The following DYNC2I2 variants were observed in gnomAD, a reference collection of about 807,000 sequenced individuals.
DYNC2I2 encodes the protein cytoplasmic dynein 2 intermediate chain 2.
DYNC2I2 carries 39 observed loss-of-function variants against 52.0 expected under a neutral mutation model. The observed-to-expected ratio is 0.75, with a 90% CI of 0.58 to 0.98. The LOEUF (loss-of-function observed/expected upper bound fraction) is 0.98. Ranked by LOEUF, DYNC2I2 falls within the 50% of genes least tolerant of loss-of-function variation. The pLI is 0.00. For synonymous variants in DYNC2I2, 359 were observed against 321.1 expected, an observed-to-expected ratio of 1.12 and a Z score of -1.26; for missense variants, 743 against 728.4, an observed-to-expected ratio of 1.02 and a Z score of -0.23.
intron 1 of DYNC2I2, among the ~76,000 whole-genome samples, chr9:128,655,474 G>A (rs1466325293): frequency 6.9e-6 from 1 of 145,916 alleles, no homozygotes; most frequent in Admixed American, 7.0e-5. Context: ...TCGCGCCATT[G>A]CACTCCAGCC....
chr9:128,655,397 G>A (rs572876833), intron 1 of DYNC2I2, among the ~76,000 whole-genome samples: 24 of 140,048 alleles, frequency 1.7e-4, no homozygotes, highest in African/African-American at 6.3e-4. Flanking sequence ...TGTAGTCCCA[G>A]CTACTAGGGA....
chr9:128,635,703 C>T lies in DYNC2I2; in HGVS notation c.768G>A (p.Trp256Ter), dbSNP rs1385476367. The stretch of plus-strand genomic sequence containing the variant: ...GGGTGTCATCCGTCAGGCCTGTGCG[C>T]CACAGCAGCGGGTCCTCAAGACGGC... ...DLSRLEDPLL[W>*]RTGLTDDTHT... is the part of the protein sequence containing the mutation. Residue 256 changes from tryptophan (W) to a stop codon, truncating the protein, a stop_gained, in exon 5 of 9, where the codon TGG (tryptophan) becomes TGA (stop). Coordinates refer to ENST00000372715, the MANE Select transcript of DYNC2I2 (RefSeq NM_052844.4). LOFTEE classifies it high-confidence loss of function. 14 of 1,612,978 alleles carry T rather than the reference C, an allele frequency of 8.7e-6. No homozygotes were observed. The highest frequency in any genetic ancestry group is 1.1e-5 in the Non-Finnish European group (13 of 1,179,606).
intron 3 of DYNC2I2, among the ~76,000 whole-genome samples, 185 bp from the exon 4 acceptor site, chr9:128,636,623 T>C (rs887471783): frequency 6.6e-6 from 1 of 151,916 alleles, no homozygotes; most frequent in Non-Finnish European, 1.5e-5. Context: ...CTCTGGAAAA[T>C]GGTCCCCAGG....
At chr9:128,635,524 A>G in intron 5 of DYNC2I2, 134 bp downstream of exon 5, 1 of 879,350 alleles carries the variant, frequency 1.1e-6, no homozygotes, top group Non-Finnish European at 1.8e-6. Context: ...GGGGTGACTC[A>G]TGCTGCGGGA....
At chr9:128,666,623 G>A in the DYNC2I2 span, among the ~76,000 whole-genome samples, 2 of 151,816 alleles carry the variant, frequency 1.3e-5, no homozygotes, top group African/African-American at 4.8e-5. Flanking sequence ...TTAGCTGGGC[G>A]TGGTCAGTGC....
chr9:128,654,158 C>T (rs934978181), intron 1 of DYNC2I2, among the ~76,000 whole-genome samples: 7 of 152,156 alleles, frequency 4.6e-5, no homozygotes, highest in Non-Finnish European at 8.8e-5. Context: ...CCCTGAGAAC[C>T]GTTCCCATAC....
upstream of DYNC2I2, among the ~76,000 whole-genome samples, chr9:128,660,764 C>T (rs1327350523): frequency 6.6e-6 from 1 of 151,606 alleles, no homozygotes; most frequent in East Asian, 1.9e-4. Context: ...GTGTCACGCT[C>T]TGTCATCCAG....
the DYNC2I2 span, among the ~76,000 whole-genome samples, chr9:128,665,908 TAA>T: frequency 3.3e-3 from 378 of 115,162 alleles, no homozygotes; most frequent in African/African-American, 0.01. Context: ...CCGTCTCTAC[TAA>T]AAAAAAAAAA....
At chr9:128,646,410 T>C (rs1023358003) in intron 1 of DYNC2I2, among the ~76,000 whole-genome samples, 3 of 152,148 alleles carry the variant, frequency 2.0e-5, no homozygotes, top group African/African-American at 7.2e-5. Flanking sequence ...GGATTCACCA[T>C]GTCAGCCAGG....
chr9:128,642,677 C>G lies in DYNC2I2; in HGVS notation c.187-1738G>C, dbSNP rs544339593. Among the ~76,000 whole-genome samples the G allele has an allele frequency of 5.7e-4, 86 of 151,964 alleles. 2 individuals are homozygous for G. The highest frequency in any genetic ancestry group is 2.0e-3 in the African/African-American group (84 of 41,418). On this transcript the variant is annotated intron_variant, in intron 1 of 8. Transcript: ENST00000372715. ...TCCCAGCTACTCGGGAAGGCGTGAA[C>G]CTGGGAGGCAGAGCTTACAGTGAGC...
In DYNC2I2 at chr9:128,651,389, G is replaced by A. The variant is rs1201419265; in HGVS notation, c.186+5152C>T. 1.9e-4 allele frequency: 10 copies of A among 53,684 alleles called. 3 individuals carry two copies. Among genetic ancestry groups the A allele is most frequent in the African/African-American group, 3.7e-4 (10 of 27,214 alleles). The allele number at this position is 53,684 out of a possible 1,614,324, so 3.3% of individuals were successfully genotyped here. A position where few individuals can be genotyped will look rare whatever the true frequency, so the allele number is the denominator to read the frequency against. On this transcript the variant is annotated intron_variant, in intron 1 of 8. Transcript: ENST00000372715. ...TCTACTAATAATACAAACATTAACCGGCCGTGGTGGCGCACGGCTGTAATC... is the reference window on the plus strand; with the variant it reads ...TCTACTAATAATACAAACATTAACCAGCCGTGGTGGCGCACGGCTGTAATC...
the DYNC2I2 span, among the ~76,000 whole-genome samples, chr9:128,665,518 C>G: frequency 6.6e-6 from 1 of 151,982 alleles, no homozygotes; most frequent in African/African-American, 2.4e-5. Flanking sequence ...ACCTGTAATT[C>G]CAGTACATTA....
chr9:128,679,763 C>T, the DYNC2I2 span, among the ~76,000 whole-genome samples: 2 of 151,286 alleles, frequency 1.3e-5, no homozygotes, highest in African/African-American at 4.9e-5. Flanking sequence ...TCTCCTGTCT[C>T]AGCCTAAGTA....
chr9:128,677,765 G>C, the DYNC2I2 span, among the ~76,000 whole-genome samples: 7 of 151,910 alleles, frequency 4.6e-5, no homozygotes, highest in Non-Finnish European at 8.8e-5. Context: ...CCAAGATCGC[G>C]CCACTGCACT....
intron 1 of DYNC2I2, among the ~76,000 whole-genome samples, chr9:128,653,888 G>A (rs913549844): frequency 2.6e-5 from 4 of 152,150 alleles, no homozygotes; most frequent in Non-Finnish European, 5.9e-5. Context: ...GCGGGTGCCT[G>A]TAGTCCCAGC....
At chr9:128,648,895 G>C (rs78189300) in intron 1 of DYNC2I2, among the ~76,000 whole-genome samples, 1 of 152,174 alleles carries the variant, frequency 6.6e-6, no homozygotes, top group African/African-American at 2.4e-5. Context: ...AGGCAGCTAG[G>C]TCAATTCTGA....
In DYNC2I2 at chr9:128,634,006, G is replaced by A. The variant is rs755147540; in HGVS notation, c.1373-24C>T. ...ACCTGCAAAGAGAGACAGATACGTG[G>A]AGTAAGAGAAACTCTAGAGACCAAC... On this transcript the variant is annotated intron_variant, in intron 8 of 8. Coordinates refer to ENST00000372715, the MANE Select transcript of DYNC2I2 (RefSeq NM_052844.4). 4 of 1,611,622 alleles carry A rather than the reference G, an allele frequency of 2.5e-6. No homozygotes were observed. In the South Asian group the frequency reaches 4.4e-5, roughly 18 times the overall value.
chr9:128,656,851 T>C (rs901652396), upstream of DYNC2I2: 6 of 961,912 alleles, frequency 6.2e-6, no homozygotes, highest in South Asian at 7.4e-5. Flanking sequence ...CAGCGCCTCC[T>C]GCAAGACCTG....
chr9:128,635,095 C>A lies in DYNC2I2; in HGVS notation c.978G>T (p.Lys326Asn), dbSNP rs1404040947. 1.2e-6 allele frequency: 2 copies of A among 1,610,832 alleles called. No homozygotes were observed. The highest frequency in any genetic ancestry group is 1.7e-6 in the Non-Finnish European group (2 of 1,178,322). Residue 326 changes from lysine (K) to asparagine (N), a missense_variant, in exon 6 of 9, where the codon AAG becomes AAT. Coordinates refer to ENST00000372715, the MANE Select transcript of DYNC2I2 (RefSeq NM_052844.4). ...CAGTTTCCGGGTGCCCACGTACCTT[C>A]TTGAGCTTGGTGCTCCGTGGCAGCT... ...MQQLPRSTKLKKHPRGETEVG... is the reference protein window; with the variant it reads ...MQQLPRSTKLNKHPRGETEVG...
Sources: allele counts gnomAD v4.1 joint callset (sites outside exome capture counted in the v4.1 genomes callset), GRCh38; gene constraint gnomAD v4.1.1; transcripts MANE v1.5; gene names NCBI Gene and HGNC (gene_info 2026-07-23, HGNC 2026-07-21).